WDR45: variants seen among roughly 807,000 people sequenced by gnomAD.
The protein encoded by WDR45 is WD repeat domain phosphoinositide-interacting protein 4.
In WDR45, 2 loss-of-function variants were observed where a neutral mutation model predicts 27.3. That is an observed-to-expected ratio of 0.07 (90% CI 0.03 to 0.23). WDR45 has a LOEUF of 0.23. Ranked by LOEUF, WDR45 falls within the 10% of genes least tolerant of loss-of-function variation. The pLI is 1.00. For missense variants in WDR45, 175 were observed against 311.9 expected (o/e 0.56, Z 3.31); for synonymous variants, 99 against 119.2 (o/e 0.83, Z 1.11).
chrX:49,095,932 T>C (rs782472749), intron 2 of WDR45, among the ~76,000 whole-genome samples: 6 of 106,175 alleles, frequency 5.7e-5, no homozygotes, highest in Non-Finnish European at 1.2e-4. Context: ...CTGGCTATTG[T>C]TTTTGTATTT....
intron 2 of WDR45, among the ~76,000 whole-genome samples, chrX:49,091,273 T>G (rs2065104190): frequency 9.2e-6 from 1 of 108,654 alleles, no homozygotes; most frequent in Non-Finnish European, 1.9e-5. Flanking sequence ...AAACCCCATC[T>G]CTACCAAAAA....
chrX:49,077,539 ACT>A, intron 4 of WDR45, 102 bp downstream of exon 4: 1 of 684,968 alleles, frequency 1.5e-6, no homozygotes, highest in Non-Finnish European at 2.3e-6. Flanking sequence ...TCTCTGTGTG[ACT>A]CTGAAGTACT....
At chrX:49,095,369 G>A (rs782305583) in intron 2 of WDR45, among the ~76,000 whole-genome samples, 5 of 108,946 alleles carry the variant, frequency 4.6e-5, no homozygotes, top group Admixed American at 4.0e-4. Context: ...GGCTGGGCAC[G>A]GTGGCTCACA....
At chrX:49,095,523 C>G (rs1305640793) in intron 2 of WDR45, among the ~76,000 whole-genome samples, 1 of 109,301 alleles carries the variant, frequency 9.1e-6, no homozygotes, top group Non-Finnish European at 1.9e-5. Flanking sequence ...TGCAGTGGCA[C>G]GATCTCGGCT....
At chrX:49,090,439 A>G (rs1602548536) in intron 2 of WDR45, among the ~76,000 whole-genome samples, 1 of 112,131 alleles carries the variant, frequency 8.9e-6, no homozygotes, top group Non-Finnish European at 1.9e-5. Context: ...ACTGAATTGC[A>G]CACTTTGAAG....
At chrX:49,076,070 G>A (rs1199914259) in intron 6 of WDR45, 125 bp from the exon 7 acceptor site, 7 of 589,806 alleles carry the variant, frequency 1.2e-5, no homozygotes, top group Admixed American at 3.1e-5. Flanking sequence ...GAACCCTGAG[G>A]GGGCTCAGCT....
In WDR45 at chrX:49,075,347, G is replaced by A; in HGVS notation, c.827+17C>T. 5 of 1,208,185 alleles carry A rather than the reference G, an allele frequency of 4.1e-6. No homozygotes were observed. The highest frequency in any genetic ancestry group is 5.6e-6 in the Non-Finnish European group (5 of 893,444). On this transcript the variant is annotated intron_variant, in intron 9 of 10. Coordinates refer to ENST00000376372, the MANE Select transcript of WDR45 (RefSeq NM_001029896.2). ...CAGGGGGACAGGGACACGGTAGGGT[G>A]GGGAGGGGGTACTCACGCGGAGCGG...
chrX:49,088,308 G>A (rs2065093137), intron 2 of WDR45, among the ~76,000 whole-genome samples: 1 of 111,806 alleles, frequency 8.9e-6, no homozygotes, highest in Non-Finnish European at 1.9e-5. Flanking sequence ...TCGGGAGGCT[G>A]AGGCAGGAGA....
intron 2 of WDR45, among the ~76,000 whole-genome samples, chrX:49,095,016 G>A (rs1557087095): frequency 9.2e-6 from 1 of 109,182 alleles, no homozygotes. Context: ...TCAAACTCCC[G>A]ACCTCAGGTG....
At chrX:49,076,104 G>T in intron 6 of WDR45, 159 bp from the exon 7 acceptor site, 1 of 491,232 alleles carries the variant, frequency 2.0e-6, no homozygotes, top group Non-Finnish European at 3.5e-6. Flanking sequence ...CGCCAGCTAG[G>T]CAGATTCCAT....
At chrX:49,090,224 C>T (rs782643816) in intron 2 of WDR45, among the ~76,000 whole-genome samples, 5 of 110,667 alleles carry the variant, frequency 4.5e-5, no homozygotes, top group East Asian at 5.7e-4. Context: ...CCACCGCGCC[C>T]GGCTATATTA....
intron 4 of WDR45, chrX:49,077,024 C>T (rs1261195384): frequency 2.3e-5 from 8 of 345,117 alleles, no homozygotes; most frequent in Non-Finnish European, 4.1e-5. Context: ...AGCAACCAAA[C>T]AGGGACTCAC....
chrX:49,082,982 C>T (rs1305363828), upstream of WDR45, among the ~76,000 whole-genome samples: 1 of 108,999 alleles, frequency 9.2e-6, no homozygotes, highest in East Asian at 2.9e-4. Flanking sequence ...CGGGTTCAAG[C>T]GATTCTCCTG....
intron 2 of WDR45, among the ~76,000 whole-genome samples, chrX:49,096,224 C>T (rs1557087280): frequency 9.0e-6 from 1 of 111,023 alleles, no homozygotes. Flanking sequence ...ATGAGTAACT[C>T]TTGCTTATCT....
At chrX:49,076,027 G>C in intron 6 of WDR45, 82 bp from the exon 7 acceptor site, 2 of 830,580 alleles carry the variant, frequency 2.4e-6, no homozygotes, top group Non-Finnish European at 3.5e-6. Flanking sequence ...ATGAGGACCA[G>C]ACTTCAACCC....
intron 4 of WDR45, chrX:49,077,283 C>T (rs1244141757): frequency 4.1e-6 from 1 of 245,156 alleles, no homozygotes; most frequent in African/African-American, 2.8e-5. Context: ...GGATGAGTCA[C>T]TTAACTGCAC....
chrX:49,080,381 C>T (rs1424554490), upstream of WDR45: 1 of 111,823 alleles, frequency 8.9e-6, no homozygotes, highest in Non-Finnish European at 1.9e-5. Flanking sequence ...ACAGATTTCG[C>T]TTTCTTTCTC....
At chrX:49,088,842 T>C (rs1429016031) in intron 2 of WDR45, among the ~76,000 whole-genome samples, 1 of 111,454 alleles carries the variant, frequency 9.0e-6, no homozygotes, top group Non-Finnish European at 1.9e-5. Context: ...AGGGAGACCT[T>C]ATCTCAGAAA....
rs2065030595 is a variant in WDR45, at chrX:49,075,365, C to T, written c.826G>A (p.Ala276Thr). ...GTAGGGTGGGGAGGGGGTACTCACG[C>T]GGAGCGGCGGTTGAGGCGGGTATCC... is the stretch of plus-strand genomic sequence containing the variant. ...LKDTRLNRRSALARVGKVGPM... is the reference protein window; with the variant it reads ...LKDTRLNRRSTLARVGKVGPM... The change falls in exon 9 of 11, where the codon GCG becomes ACG. Residue 276 changes from alanine to threonine, a missense_variant and splice_region_variant. Physicochemically the swap from Ala to Thr is moderately conservative, Grantham distance 58. This residue lies in a region of WDR45 where 71 missense variants were observed against 123.0 expected (regional missense o/e 0.58). Transcript: ENST00000376372. 5.0e-6 allele frequency: 6 copies of T among 1,205,326 alleles called. No homozygotes were observed. Among genetic ancestry groups the T allele is most frequent in the African/African-American group, 1.7e-5 (1 of 57,350 alleles).
Sources: allele counts gnomAD v4.1 joint callset (sites outside exome capture counted in the v4.1 genomes callset), GRCh38; gene constraint gnomAD v4.1.1; regional missense constraint gnomAD v4.1.1; transcripts MANE v1.5; gene names NCBI Gene and HGNC (gene_info 2026-07-23, HGNC 2026-07-21).